Variants in SLC26A9 observed in about 807,000 individuals in gnomAD.
SLC26A9 encodes solute carrier family 26 member 9.
SLC26A9 carries 46 observed loss-of-function variants against 87.1 expected under a neutral mutation model. The observed-to-expected ratio is 0.53, with a 90% CI of 0.42 to 0.67. The LOEUF (loss-of-function observed/expected upper bound fraction) is 0.67, where lower values mean the gene tolerates loss of function less well. SLC26A9 is among the 30% of genes least tolerant of loss of function. The probability of loss-of-function intolerance (pLI) is 0.00; values close to 1 mark genes in which losing one functional copy is unlikely to be tolerated. For synonymous variants in SLC26A9, 437 were observed against 409.1 expected (o/e 1.07, Z -0.82); for missense variants, 927 against 1,018.3 (o/e 0.91, Z 1.22).
At chr1:205,939,770 G>A (rs1024756859) in intron 1 of SLC26A9, among the ~76,000 whole-genome samples, 6 of 152,166 alleles carry the variant, frequency 3.9e-5, no homozygotes, top group African/African-American at 1.4e-4. Flanking sequence ...GAAAGTGGAA[G>A]AGGGAGCAAG....
intron 7 of SLC26A9, 99 bp from the exon 8 acceptor site, chr1:205,929,008 A>G: frequency 6.7e-7 from 1 of 1,503,412 alleles, no homozygotes; most frequent in Non-Finnish European, 9.2e-7. Flanking sequence ...CCTGAATCCC[A>G]CTCCCCTGCC....
In SLC26A9 at chr1:205,915,279, C is replaced by A. The variant is rs1450416235; in HGVS notation, c.*78G>T. 1.7e-5 allele frequency: 27 copies of A among 1,606,326 alleles called. No homozygotes were observed. The highest frequency in any genetic ancestry group is 2.7e-5 in the African/African-American group (2 of 74,820). ...TGCACTTTCCTCCGCCCGACACCCCCTGTGACCCCAGGCTCATCCTTTATG... is the reference window on the plus strand; with the variant it reads ...TGCACTTTCCTCCGCCCGACACCCCATGTGACCCCAGGCTCATCCTTTATG... On this transcript the variant is annotated 3_prime_UTR_variant, in exon 21 of 21. Transcript: ENST00000367135.
intron 1 of SLC26A9, among the ~76,000 whole-genome samples, chr1:205,942,531 T>G (rs1281136897): frequency 6.6e-6 from 1 of 152,222 alleles, no homozygotes; most frequent in African/African-American, 2.4e-5. Context: ...AGAAGCTTTG[T>G]TAGGTCTCAG....
chr1:205,917,804 T>C, intron 19 of SLC26A9, among the ~76,000 whole-genome samples: 1 of 152,222 alleles, frequency 6.6e-6, no homozygotes, highest in African/African-American at 2.4e-5. Context: ...GTATATATTA[T>C]ATAAAATATA....
In SLC26A9 at chr1:205,927,296, G is replaced by T. The variant is rs199744061; in HGVS notation, c.1216-8C>A. On this transcript the variant is annotated splice_polypyrimidine_tract_variant and splice_region_variant and intron_variant, in intron 10 of 20. Transcript: ENST00000367135. ...CACACACAGGCTGGCCACCTATTCCGAGAAAGAGTTGGGGATAGAGGGAAG... is the reference window on the plus strand; with the variant it reads ...CACACACAGGCTGGCCACCTATTCCTAGAAAGAGTTGGGGATAGAGGGAAG... 1 of 1,614,058 alleles carries T rather than the reference G, an allele frequency of 6.2e-7. No homozygotes were observed. Among genetic ancestry groups the T allele is most frequent in the South Asian group, 1.1e-5 (1 of 91,046 alleles).
intron 12 of SLC26A9, among the ~76,000 whole-genome samples, chr1:205,925,919 A>G (rs748522061): frequency 6.6e-6 from 1 of 152,202 alleles, no homozygotes; most frequent in Non-Finnish European, 1.5e-5. Flanking sequence ...AATCAGGACA[A>G]TAAGTCATGT....
At position 205,931,898 on chromosome 1, in the gene SLC26A9, C is replaced by T. The variant is rs146704092; in HGVS notation, c.514G>A (p.Val172Met). The T allele has an allele frequency of 9.1e-3, 14,699 of 1,614,080 alleles. 96 individuals are homozygous for T. The highest frequency in any genetic ancestry group is 0.011 in the Middle Eastern group (68 of 6,004). ...GTGAGGCAGGCTAGCGTAGCTGACA[C>T]GTGCAGCCTCTCAGCCTCCATGGCT... ...TAAMEAERLH[V>M]SATLACLTAI... Residue 172 changes from valine (V) to methionine (M), a missense_variant, in exon 5 of 21, where the codon GTG (valine) becomes ATG (methionine). Coordinates refer to ENST00000367135, the MANE Select transcript of SLC26A9 (RefSeq NM_052934.4).
At chr1:205,930,758 T>C (rs1191695436) in intron 5 of SLC26A9, among the ~76,000 whole-genome samples, 1 of 152,174 alleles carries the variant, frequency 6.6e-6, no homozygotes, top group Non-Finnish European at 1.5e-5. Context: ...TCAGTGTTTT[T>C]AGGCACTGTT....
chr1:205,938,266 G>GCTTC (rs1238908742), intron 1 of SLC26A9, among the ~76,000 whole-genome samples: 106 of 147,508 alleles, frequency 7.2e-4, no homozygotes, highest in African/African-American at 2.4e-3. Flanking sequence ...TTCCTCCCTC[G>GCTTC]CTTCCTTCCT....
Position 205,935,831 on chromosome 1 carries a change from T to C in SLC26A9, c.-11A>G. The stretch of plus-strand genomic sequence containing the variant: ...CCTGGGCTGGCTCATATCTGGGGCA[T>C]TTACAAGCTTTGGGAGAAGCAGAGG... On this transcript the variant is annotated 5_prime_UTR_variant, in exon 2 of 21. It removes an upstream start codon present in the reference 5' UTR. Transcript: ENST00000367135. 6.2e-7 allele frequency: 1 copy of C among 1,611,228 alleles called. No individual in the cohort carries two copies. Among genetic ancestry groups the C allele is most frequent in the Non-Finnish European group, 8.5e-7 (1 of 1,178,236 alleles).
At chr1:205,929,176 A>G (rs777623323) in intron 7 of SLC26A9, 28 bp downstream of exon 7, 13 of 1,598,430 alleles carry the variant, frequency 8.1e-6, no homozygotes, top group Middle Eastern at 1.7e-4. Context: ...TGGCCCCCCA[A>G]CATCCCAGCT....
intron 10 of SLC26A9, 79 bp downstream of exon 10, chr1:205,927,413 C>T (rs1414742437): frequency 2.6e-6 from 4 of 1,554,286 alleles, no homozygotes; most frequent in South Asian, 1.1e-5. Flanking sequence ...AAGAGCTGGC[C>T]TGGCTTGCAG....
rs527481688 is a variant in SLC26A9, at chr1:205,926,716, G to A, written c.1294-86C>T. 8.6e-6 allele frequency: 9 copies of A among 1,050,198 alleles called. No homozygotes were observed. The Admixed American group carries it at 1.1e-4, about 13-fold the overall frequency. 65.1% of individuals were successfully genotyped at this position (1,050,198 alleles called of 1,614,324 possible). Reference sequence around the variant, plus strand: ...GCATACCCGACCCCAAGGCCTGGCAGGACAGAGACGGAGTTCTGGAACACC... The same window carrying A: ...GCATACCCGACCCCAAGGCCTGGCAAGACAGAGACGGAGTTCTGGAACACC... On this transcript the variant is annotated intron_variant, in intron 11 of 20. Coordinates refer to ENST00000367135, the MANE Select transcript of SLC26A9 (RefSeq NM_052934.4).
Position 205,917,280 on chromosome 1 carries a change from C to A in SLC26A9, c.2328+3G>T. 1.2e-6 allele frequency: 2 copies of A among 1,613,962 alleles called. No individual in the cohort carries two copies. ...ACCCTCACAGCCCCTTCCCTCAGCTCACCTGCTCTAAGTCCCAGTAGCTGC... is the reference window on the plus strand; with the variant it reads ...ACCCTCACAGCCCCTTCCCTCAGCTAACCTGCTCTAAGTCCCAGTAGCTGC... On this transcript the variant is annotated splice_donor_region_variant and intron_variant, in intron 20 of 20. Coordinates refer to ENST00000367135, the MANE Select transcript of SLC26A9 (RefSeq NM_052934.4).
chr1:205,933,705 C>G (rs1448221193), intron 2 of SLC26A9, among the ~76,000 whole-genome samples: 1 of 152,206 alleles, frequency 6.6e-6, no homozygotes, highest in Non-Finnish European at 1.5e-5. Flanking sequence ...AAGGAAGGCT[C>G]TATTGTTCCT....
chr1:205,927,360 G>GGGTTTTTC, intron 10 of SLC26A9, 72 bp from the exon 11 acceptor site: 3 of 1,574,788 alleles, frequency 1.9e-6, no homozygotes, highest in Non-Finnish European at 2.6e-6. Flanking sequence ...CCAATCCATG[G>GGGTTTTTC]CTTTGGTGGA....
rs779030177 is a variant in SLC26A9, at chr1:205,923,303, A to C, written c.1659+32T>G. 1.3e-5 allele frequency: 21 copies of C among 1,613,316 alleles called. No homozygotes were observed. In the South Asian group the frequency reaches 2.1e-4, roughly 16 times the overall value. On this transcript the variant is annotated intron_variant, in intron 15 of 20. Transcript: ENST00000367135. ...TCCATTTTCCGGCCACTCTCTGTCC[A>C]GAGCCTCTGGTCGCCAGGGACTGAG... is the stretch of plus-strand genomic sequence containing the variant.
At chr1:205,941,781 C>A (rs2102610457) in intron 1 of SLC26A9, among the ~76,000 whole-genome samples, 1 of 152,342 alleles carries the variant, frequency 6.6e-6, no homozygotes, top group South Asian at 2.1e-4. Context: ...CACTTCCTAA[C>A]AGCAAGACTG....
chr1:205,942,007 C>T (rs748257196), intron 1 of SLC26A9, among the ~76,000 whole-genome samples: 10 of 152,158 alleles, frequency 6.6e-5, no homozygotes, highest in Non-Finnish European at 1.5e-4. Flanking sequence ...TTCCATCTTC[C>T]AAGTAGTGAC....
Sources: allele counts gnomAD v4.1 joint callset (sites outside exome capture counted in the v4.1 genomes callset), GRCh38; gene constraint gnomAD v4.1.1; transcripts MANE v1.5; gene names NCBI Gene and HGNC (gene_info 2026-07-23, HGNC 2026-07-21).